The following NALF1 variants were observed in gnomAD, a reference collection of about 807,000 sequenced individuals.
NALF1 encodes family with sequence similarity 155 member A.
A neutral mutation model predicts 48.4 loss-of-function variants in NALF1; 3 were observed. That is an observed-to-expected ratio of 0.06 (90% confidence interval 0.03 to 0.16). The LOEUF is 0.16. NALF1 is among the 10% of genes least tolerant of loss of function. The pLI is 1.00. For missense variants in NALF1, 526 were observed against 571.5 expected, an observed-to-expected ratio of 0.92 and a Z score of 0.81; for synonymous variants, 262 against 245.7, an observed-to-expected ratio of 1.07 and a Z score of -0.62.
intron 2 of NALF1, among the ~76,000 whole-genome samples, chr13:107,196,357 A>G (rs1879393343): frequency 6.6e-6 from 1 of 152,256 alleles, no homozygotes; most frequent in East Asian, 1.9e-4. Context: ...CAAGCTAGTA[A>G]TGAGAAAGTT....
intron 1 of NALF1, among the ~76,000 whole-genome samples, chr13:107,314,661 T>G (rs1882110152): frequency 1.3e-5 from 2 of 152,166 alleles, no homozygotes; most frequent in African/African-American, 4.8e-5. Context: ...TAGTCTTGGT[T>G]AGGTAGACAC....
chr13:107,587,907 C>A (rs2138415350), intron 1 of NALF1, among the ~76,000 whole-genome samples: 1 of 152,228 alleles, frequency 6.6e-6, no homozygotes, highest in East Asian at 1.9e-4. Flanking sequence ...TGTCTAACTC[C>A]TCTCTTCTGT....
intron 1 of NALF1, among the ~76,000 whole-genome samples, chr13:107,853,228 C>A (rs1391271306): frequency 2.0e-5 from 3 of 152,082 alleles, no homozygotes; most frequent in Non-Finnish European, 4.4e-5. Context: ...TTTAATCTGA[C>A]TAAAGTTGAT....
chr13:107,423,670 T>G (rs1884230709), intron 1 of NALF1, among the ~76,000 whole-genome samples: 1 of 152,182 alleles, frequency 6.6e-6, no homozygotes, highest in African/African-American at 2.4e-5. Context: ...CCTTAAGCTT[T>G]ACTGGTATAC....
At chr13:107,749,809 GGTTTGTTT>G (rs71121552) in intron 1 of NALF1, among the ~76,000 whole-genome samples, 31 of 151,114 alleles carry the variant, frequency 2.1e-4, no homozygotes, top group African/African-American at 3.9e-4. Flanking sequence ...TTGTTGTGGT[GGTTTGTTT>G]GTTTGTTTGT....
chr13:107,784,073 G>C lies in NALF1; in HGVS notation c.915+81609C>G, dbSNP rs115252448. 3.3e-3 allele frequency among the ~76,000 whole-genome samples: 495 copies of C among 152,210 alleles called. 4 individuals carry two copies. The highest frequency in any genetic ancestry group is 0.012 in the African/African-American group (482 of 41,534). On this transcript the variant is annotated intron_variant, in intron 1 of 2. Transcript: ENST00000375915. ...TTCCAAGAGCCATGAAGAGGTGCCA[G>C]CTGTAGATAGTATTTTAGATGCCAA... is the stretch of plus-strand genomic sequence containing the variant.
At chr13:107,302,218 GAGA>G (rs1186899337) in intron 1 of NALF1, among the ~76,000 whole-genome samples, 1 of 152,158 alleles carries the variant, frequency 6.6e-6, no homozygotes, top group African/African-American at 2.4e-5. Flanking sequence ...CCCACACCAG[GAGA>G]AGGATTCCCA....
chr13:107,248,961 CAT>C (rs772774780), intron 1 of NALF1, among the ~76,000 whole-genome samples: 4 of 150,470 alleles, frequency 2.7e-5, no homozygotes, highest in Non-Finnish European at 4.4e-5. Flanking sequence ...TGTACACACA[CAT>C]ATATATATGT....
At chr13:107,432,043 T>A (rs1884391834) in intron 1 of NALF1, among the ~76,000 whole-genome samples, 2 of 152,142 alleles carry the variant, frequency 1.3e-5, no homozygotes, top group Non-Finnish European at 2.9e-5. Context: ...GAAAAGAGGT[T>A]TATTTGGCTC....
At chr13:107,403,218 T>A (rs12877837) in intron 1 of NALF1, among the ~76,000 whole-genome samples, 21 of 105,970 alleles carry the variant, frequency 2.0e-4, no homozygotes, top group East Asian at 5.5e-4. Context: ...TTTTTTTTTT[T>A]ATCATTTTCG....
intron 1 of NALF1, among the ~76,000 whole-genome samples, chr13:107,657,336 T>C (rs1880609393): frequency 6.6e-6 from 1 of 152,052 alleles, no homozygotes; most frequent in East Asian, 1.9e-4. Context: ...ATTACTTATT[T>C]CCCCCTAACC....
At chr13:107,429,247 G>A (rs112885509) in intron 1 of NALF1, among the ~76,000 whole-genome samples, 2,900 of 151,942 alleles carry the variant, frequency 0.019, 34 homozygotes, top group South Asian at 0.031. Context: ...GCCTGAACCC[G>A]GGACATGGAG....
At chr13:107,290,187 CA>C (rs60166851) in intron 1 of NALF1, among the ~76,000 whole-genome samples, 18,376 of 143,128 alleles carry the variant, frequency 0.13, 1,800 homozygotes, top group East Asian at 0.33. Flanking sequence ...AAAAAAAAAA[CA>C]AAAAAAAAAA....
rs910538263 is a variant in NALF1 at position 107,168,809 on chromosome 13, G to A, written c.*1688C>T. The A allele has an allele frequency of 1.7e-4, 26 of 152,506 alleles. No individual in the cohort carries two copies. Among genetic ancestry groups the A allele is most frequent in the African/African-American group, 6.3e-4 (26 of 41,416 alleles). The allele number at this position is 152,506 out of a possible 1,614,324, so 9.4% of individuals were successfully genotyped here. A position where few individuals can be genotyped will look rare whatever the true frequency, so the allele number is the denominator to read the frequency against. On this transcript the variant is annotated 3_prime_UTR_variant, in exon 3 of 3. Coordinates refer to ENST00000375915, the MANE Select transcript of NALF1 (RefSeq NM_001080396.3). ...AAAGTCTGTTTGAACAAAAACAAAT[G>A]CCCGGGGAAATTTCATAGCTATAAA...
chr13:107,562,088 T>C (rs1183971519), intron 1 of NALF1, among the ~76,000 whole-genome samples: 1 of 152,204 alleles, frequency 6.6e-6, no homozygotes, highest in Non-Finnish European at 1.5e-5. Context: ...TTTCTAAATA[T>C]GATTTTGCTG....
intron 1 of NALF1, among the ~76,000 whole-genome samples, chr13:107,815,052 G>A (rs7994934): frequency 0.085 from 12,920 of 152,040 alleles, 819 homozygotes; most frequent in East Asian, 0.39. Context: ...TTTAAAGTTC[G>A]TAGAAGAAAA....
chr13:107,832,032 T>C (rs1239911056), intron 1 of NALF1, among the ~76,000 whole-genome samples: 2 of 152,194 alleles, frequency 1.3e-5, no homozygotes, highest in African/African-American at 2.4e-5. Flanking sequence ...GAAGTCCATA[T>C]TGTCCTTCCA....
intron 1 of NALF1, among the ~76,000 whole-genome samples, chr13:107,818,753 TC>T (rs1879255773): frequency 1.4e-5 from 2 of 142,844 alleles, no homozygotes; most frequent in Admixed American, 6.9e-5. Context: ...GCGCCTGTAG[TC>T]CCAGCTACTC....
At chr13:107,677,474 G>T (rs1284246772) in intron 1 of NALF1, among the ~76,000 whole-genome samples, 1 of 152,184 alleles carries the variant, frequency 6.6e-6, no homozygotes, top group Non-Finnish European at 1.5e-5. Context: ...GGAATAATTA[G>T]AATTGGGCAT....
Sources: allele counts gnomAD v4.1 joint callset (sites outside exome capture counted in the v4.1 genomes callset), GRCh38; gene constraint gnomAD v4.1.1; transcripts MANE v1.5; gene names NCBI Gene and HGNC (gene_info 2026-07-23, HGNC 2026-07-21).